Variants in PLCL2 observed in about 807,000 individuals in gnomAD.
The protein encoded by PLCL2 is phospholipase C like 2.
PLCL2 carries 4 observed loss-of-function variants against 79.6 expected under a neutral mutation model. That is an observed-to-expected ratio of 0.05 (90% confidence interval 0.02 to 0.11). The LOEUF is 0.11. PLCL2 is among the 10% of genes least tolerant of loss of function. The pLI is 1.00. For missense variants in PLCL2, 895 were observed against 1,291.0 expected (o/e 0.69, Z 4.70); for synonymous variants, 484 against 457.7 (o/e 1.06, Z -0.73).
chr3:17,037,914 A>G (rs1458869717), intron 3 of PLCL2, among the ~76,000 whole-genome samples: 3 of 152,058 alleles, frequency 2.0e-5, no homozygotes, highest in Non-Finnish European at 4.4e-5. Flanking sequence ...ATCTAGTAAT[A>G]TATAATATAT....
intron 1 of PLCL2, among the ~76,000 whole-genome samples, chr3:16,958,891 A>G (rs1166225282): frequency 6.6e-6 from 1 of 152,182 alleles, no homozygotes; most frequent in Non-Finnish European, 1.5e-5. Context: ...GCTGGATCCT[A>G]TGACTGTTGT....
intron 2 of PLCL2, among the ~76,000 whole-genome samples, chr3:17,013,180 T>A (rs1005331938): frequency 1.3e-5 from 2 of 152,322 alleles, no homozygotes; most frequent in Admixed American, 6.5e-5. Context: ...GCAAGCGCAT[T>A]GTCCACTGCC....
Position 16,994,206 on chromosome 3 carries a change from G to A in PLCL2, c.328-15468G>A, listed in dbSNP as rs2064130585. Among the ~76,000 whole-genome samples, 3 of 152,250 alleles carry A rather than the reference G, an allele frequency of 2.0e-5. No individual in the cohort carries two copies. In the South Asian group the frequency reaches 6.2e-4, roughly 32 times the overall value. On this transcript the variant is annotated intron_variant, in intron 1 of 5. Transcript: ENST00000615277. ...GGAAGGGACTTATGGTTTTAGAAAG[G>A]TATACAGTGATTCAGGAAAATGGCA... is the stretch of plus-strand genomic sequence containing the variant.
chr3:16,928,602 T>G (rs1697313841), intron 1 of PLCL2, among the ~76,000 whole-genome samples: 1 of 152,202 alleles, frequency 6.6e-6, no homozygotes, highest in South Asian at 2.1e-4. Context: ...GTTGAGGGCC[T>G]GGGCTCTGGA....
At chr3:16,987,617 G>A (rs1329129860) in intron 1 of PLCL2, among the ~76,000 whole-genome samples, 2 of 152,072 alleles carry the variant, frequency 1.3e-5, no homozygotes, top group African/African-American at 4.8e-5. Flanking sequence ...ATGAAAAACT[G>A]ACACTAAATA....
chr3:17,075,854 C>T (rs1348758957), intron 5 of PLCL2, among the ~76,000 whole-genome samples: 4 of 152,182 alleles, frequency 2.6e-5, no homozygotes, highest in Admixed American at 2.6e-4. Flanking sequence ...TTCAGTACTC[C>T]ATTCCTTTTT....
chr3:17,006,792 T>C (rs1253291597), intron 1 of PLCL2, among the ~76,000 whole-genome samples: 1 of 152,224 alleles, frequency 6.6e-6, no homozygotes, highest in Non-Finnish European at 1.5e-5. Flanking sequence ...AGCCACAGTG[T>C]GGTGTTTAAG....
At chr3:17,047,089 T>C (rs1401209269) in intron 4 of PLCL2, among the ~76,000 whole-genome samples, 4 of 152,226 alleles carry the variant, frequency 2.6e-5, no homozygotes, top group Admixed American at 6.5e-5. Flanking sequence ...GCATTGAATG[T>C]GACTGCTTCT....
intron 4 of PLCL2, among the ~76,000 whole-genome samples, chr3:17,050,746 A>G (rs1227583506): frequency 1.3e-5 from 2 of 152,182 alleles, no homozygotes; most frequent in Non-Finnish European, 2.9e-5. Context: ...AGGTTCCTCA[A>G]AAAAACTAAA....
intron 5 of PLCL2, among the ~76,000 whole-genome samples, chr3:17,077,707 C>A (rs1222340029): frequency 6.6e-6 from 1 of 152,086 alleles, no homozygotes; most frequent in Admixed American, 6.5e-5. Flanking sequence ...TTTTGGTTAC[C>A]AAGAGTAGAA....
chr3:16,927,905 T>G (rs796096254), intron 1 of PLCL2, among the ~76,000 whole-genome samples: 108 of 152,372 alleles, frequency 7.1e-4, no homozygotes, highest in African/African-American at 2.6e-3. Flanking sequence ...TTCAATGTGA[T>G]ATCTAAAGTG....
chr3:16,980,201 A>C (rs1172688101), intron 1 of PLCL2, among the ~76,000 whole-genome samples: 1 of 123,604 alleles, frequency 8.1e-6, no homozygotes, highest in Admixed American at 8.1e-5. Context: ...GGGGCTCCTC[A>C]CTTCCCAGTA....
chr3:16,969,404 C>T (rs1053858085), intron 1 of PLCL2, among the ~76,000 whole-genome samples: 2 of 151,852 alleles, frequency 1.3e-5, no homozygotes, highest in African/African-American at 2.4e-5. Context: ...CTTTTTATTA[C>T]GAATTCAGTT....
chr3:16,902,084 T>C (rs1302722282), intron 1 of PLCL2, among the ~76,000 whole-genome samples: 1 of 152,196 alleles, frequency 6.6e-6, no homozygotes, highest in Non-Finnish European at 1.5e-5. Flanking sequence ...CTGCATCCCC[T>C]CTAGCATGCC....
At chr3:17,040,087 A>G (rs1266553531) in intron 3 of PLCL2, among the ~76,000 whole-genome samples, 2 of 152,148 alleles carry the variant, frequency 1.3e-5, no homozygotes, top group Non-Finnish European at 2.9e-5. Context: ...CATCTGTTTT[A>G]TTTCTGTACC....
At chr3:16,911,950 AG>A (rs1696891818) in intron 1 of PLCL2, among the ~76,000 whole-genome samples, 1 of 152,206 alleles carries the variant, frequency 6.6e-6, no homozygotes, top group South Asian at 2.1e-4. Flanking sequence ...AATTACCTTC[AG>A]GCTATATGTA....
rs553069275 is a variant in PLCL2 at position 17,015,470 on chromosome 3, T to C, written c.3018+559T>C. Reference sequence around the variant, plus strand: ...GAATATTACATTTTTCTACTTAAGATTTACCTTGCATTTTCTTAATCACAT... The same window carrying C: ...GAATATTACATTTTTCTACTTAAGACTTACCTTGCATTTTCTTAATCACAT... On this transcript the variant is annotated intron_variant, in intron 3 of 5. Transcript: ENST00000615277. 1.6e-4 allele frequency among the ~76,000 whole-genome samples: 24 copies of C among 152,332 alleles called. No individual in the cohort carries two copies. In the South Asian group the frequency reaches 4.8e-3, roughly 30 times the overall value.
At chr3:17,087,942 T>C (rs2124960477) in intron 5 of PLCL2, among the ~76,000 whole-genome samples, 1 of 152,364 alleles carries the variant, frequency 6.6e-6, no homozygotes, top group Admixed American at 6.5e-5. Context: ...CATGAAATTA[T>C]ACTCCTGACA....
rs1490724907 is a variant in PLCL2, at chr3:16,885,099, G to A, written c.60G>A (p.Pro20=). 2 of 444,228 alleles carry A rather than the reference G, an allele frequency of 4.5e-6. No individual in the cohort carries two copies. The highest frequency in any genetic ancestry group is 7.1e-5 in the East Asian group (2 of 28,044). The allele number at this position is 444,228 out of a possible 1,614,324, so 27.5% of individuals were successfully genotyped here. Residue 20 remains proline, a synonymous_variant, in exon 1 of 6, where the codon CCG becomes CCA. Coordinates refer to ENST00000615277, the MANE Select transcript of PLCL2 (RefSeq NM_001144382.2). ...AGGALPTSPG[P]ALGAKGALKA... ...GGGCCCTGCCCACCTCCCCGGGCCC[G>A]GCCCTCGGCGCCAAGGGCGCCCTGA...
Sources: gnomAD v4.1 joint callset for allele counts (sites outside exome capture counted in the v4.1 genomes callset) on GRCh38, gnomAD v4.1.1 for gene constraint, MANE v1.5 for transcripts, NCBI Gene and HGNC (gene_info 2026-07-23, HGNC 2026-07-21) for gene names.